The following CD300LF variants were observed in gnomAD, a reference collection of about 807,000 sequenced individuals.
The protein encoded by CD300LF is CD300 molecule like family member f.
Under a neutral mutation model 32.2 loss-of-function variants are expected in CD300LF, and 27 were observed. That is an observed-to-expected ratio of 0.84 (90% CI 0.62 to 1.15). The LOEUF (loss-of-function observed/expected upper bound fraction) is 1.15. Ranked by LOEUF, CD300LF falls within the 50% of genes most tolerant of loss-of-function variation. The probability of loss-of-function intolerance (pLI) is 0.00; values close to 1 mark genes in which losing one functional copy is unlikely to be tolerated. For missense variants in CD300LF, 348 were observed against 356.8 expected (o/e 0.98, Z 0.20); for synonymous variants, 139 against 143.2 (o/e 0.97, Z 0.21).
chr17:74,701,713 G>T (rs948045325), intron 3 of CD300LF, among the ~76,000 whole-genome samples: 1 of 152,096 alleles, frequency 6.6e-6, no homozygotes, highest in African/African-American at 2.4e-5. Flanking sequence ...GGCCGGGCAT[G>T]GTGGCTTACG....
intron 1 of CD300LF, among the ~76,000 whole-genome samples, chr17:74,712,424 T>C (rs7215850): frequency 1 from 152,269 of 152,274 alleles, 76,132 homozygotes; most frequent in Non-Finnish European, 1. Flanking sequence ...CCTTTCAAAG[T>C]CCTCCAGCCT....
At chr17:74,697,392 G>C (rs570235013) in intron 4 of CD300LF, among the ~76,000 whole-genome samples, 1 of 152,304 alleles carries the variant, frequency 6.6e-6, no homozygotes, top group African/African-American at 2.4e-5. Flanking sequence ...CAAAAGTCTA[G>C]ATGCTGGAGA....
At chr17:74,706,781 C>G (rs982228612) in intron 1 of CD300LF, among the ~76,000 whole-genome samples, 1 of 152,180 alleles carries the variant, frequency 6.6e-6, no homozygotes, top group African/African-American at 2.4e-5. Flanking sequence ...ACCACGGCAG[C>G]CTGGATTGGA....
chr17:74,703,065 G>A lies in CD300LF; in HGVS notation c.416C>T (p.Pro139Leu), dbSNP rs34851642. The A allele has an allele frequency of 1.0e-3, 1,694 of 1,614,000 alleles. 18 individuals are homozygous for A. In the African/African-American group the frequency reaches 0.019, roughly 18 times the overall value. The stretch of plus-strand genomic sequence containing the variant: ...GTCCAAGTGGTGGCCGGTCAGAGTT[G>A]GGGAGCTGCTAGTTTCTTCTTGGGT... Reference protein sequence around the residue: ...PVTQEETSSSPTLTGHHLDNR... With the variant: ...PVTQEETSSSLTLTGHHLDNR... Residue 139 changes from proline (P) to leucine (L), a missense_variant, in exon 3 of 7, where the codon CCA becomes CTA. Pro to Leu is a moderately conservative substitution (Grantham distance 98). Transcript: ENST00000326165.
At chr17:74,697,004 C>CTG (rs1358313206) in intron 4 of CD300LF, among the ~76,000 whole-genome samples, 2 of 152,226 alleles carry the variant, frequency 1.3e-5, no homozygotes, top group Non-Finnish European at 2.9e-5. Context: ...GGCAATGGCA[C>CTG]CATCTTGGCT....
chr17:74,706,428 CATATAT>C (rs1035920274), intron 1 of CD300LF, among the ~76,000 whole-genome samples: 1 of 147,662 alleles, frequency 6.8e-6, no homozygotes, highest in Non-Finnish European at 1.5e-5. Flanking sequence ...ATAAAAAGAA[CATATAT>C]ATATAAATTC....
chr17:74,704,279 G>A (rs944965388), intron 2 of CD300LF, 199 bp downstream of exon 2: 68 of 588,660 alleles, frequency 1.2e-4, no homozygotes, highest in African/African-American at 6.0e-4. Flanking sequence ...TAATCCCGTC[G>A]TGGAGGGAGC....
intron 3 of CD300LF, 161 bp from the exon 4 acceptor site, chr17:74,698,642 G>T: frequency 6.8e-7 from 1 of 1,467,574 alleles, no homozygotes; most frequent in Non-Finnish European, 9.0e-7. Flanking sequence ...TCAAAGATGG[G>T]TTTACAATGA....
chr17:74,696,796 G>A (rs1391697532), intron 4 of CD300LF, among the ~76,000 whole-genome samples: 1 of 152,198 alleles, frequency 6.6e-6, no homozygotes, highest in Admixed American at 6.5e-5. Context: ...TGCTGAGCAG[G>A]TGGTGCTCCA....
At chr17:74,708,712 C>A (rs112334255) in intron 1 of CD300LF, among the ~76,000 whole-genome samples, 1 of 152,060 alleles carries the variant, frequency 6.6e-6, no homozygotes. Context: ...GTGAGGAGAT[C>A]GAGACCATCC....
At chr17:74,711,331 C>T (rs1045734114) in intron 1 of CD300LF, among the ~76,000 whole-genome samples, 4 of 152,150 alleles carry the variant, frequency 2.6e-5, no homozygotes, top group Non-Finnish European at 2.9e-5. Flanking sequence ...CACATCTGCT[C>T]ACTACCAAAT....
intron 1 of CD300LF, chr17:74,705,199 C>T (rs917537476): frequency 1.9e-5 from 13 of 701,752 alleles, no homozygotes; most frequent in Admixed American, 1.8e-4. Context: ...TCCACAGGGT[C>T]TTACCTTGAC....
rs1269246169 is a variant in CD300LF, at chr17:74,694,393, G to T, written c.*703C>A. On this transcript the variant is annotated 3_prime_UTR_variant, in exon 7 of 7. Transcript: ENST00000326165. ...TCAAGATCAGTTTCAATGGGCTCAAGTCAAGGCGTGGGCAGGGCTGGTTTC... is the reference window on the plus strand; with the variant it reads ...TCAAGATCAGTTTCAATGGGCTCAATTCAAGGCGTGGGCAGGGCTGGTTTC... The T allele has an allele frequency of 6.6e-6, 1 of 152,204 alleles. No homozygotes were observed. The highest frequency in any genetic ancestry group is 2.4e-5 in the African/African-American group (1 of 41,448). The allele number at this position is 152,204 out of a possible 1,614,324, so 9.4% of individuals were successfully genotyped here.
Position 74,712,837 on chromosome 17 carries a change from G to A in CD300LF, c.30C>T (p.Leu10=), listed in dbSNP as rs1231719021. ...AGGCCCGCTCACCTGAGAGCCAGAAGAGGAGCAGGTAGAGTGTCAGCAGGG... is the reference window on the plus strand; with the variant it reads ...AGGCCCGCTCACCTGAGAGCCAGAAAAGGAGCAGGTAGAGTGTCAGCAGGG... The part of the protein sequence containing the change: MPLLTLYLL[L]FWLSGYSIVT... Residue 10 remains leucine (L), a synonymous_variant, in exon 1 of 7, where the codon CTC becomes CTT. Transcript: ENST00000326165. 3.1e-6 allele frequency: 5 copies of A among 1,614,074 alleles called. No individual in the cohort carries two copies. The highest frequency in any genetic ancestry group is 4.2e-6 in the Non-Finnish European group (5 of 1,179,970).
rs768749884 is a variant in CD300LF at position 74,696,145 on chromosome 17, G to A, written c.582+50C>T. 2.5e-6 allele frequency: 4 copies of A among 1,573,622 alleles called. No individual in the cohort carries two copies. The South Asian group carries it at 3.5e-5, about 14-fold the overall frequency. On this transcript the variant is annotated intron_variant, in intron 5 of 6. Transcript: ENST00000326165. ...TTCTGAGAGATGGAAAATGAGGAAG[G>A]GGAAAGAAGCTGCCTGGTCTCTCTG...
intron 4 of CD300LF, among the ~76,000 whole-genome samples, 156 bp downstream of exon 4, chr17:74,698,213 G>GC (rs1229983955): frequency 2.6e-5 from 4 of 152,252 alleles, no homozygotes; most frequent in Admixed American, 6.5e-5. Context: ...GCTCCAGGGC[G>GC]CCCCCCGGTC....
At chr17:74,696,254 A>T in intron 4 of CD300LF, 37 bp from the exon 5 acceptor site, 1 of 1,591,520 alleles carries the variant, frequency 6.3e-7, no homozygotes, top group Non-Finnish European at 8.6e-7. Flanking sequence ...TAGAAAGCCC[A>T]TTCCCCAGAC....
chr17:74,697,212 G>A (rs763093805), intron 4 of CD300LF, among the ~76,000 whole-genome samples: 1 of 152,162 alleles, frequency 6.6e-6, no homozygotes, highest in Non-Finnish European at 1.5e-5. Context: ...CCTAAGTGCG[G>A]AGATTATAGG....
In CD300LF at chr17:74,694,912, C is replaced by T. The variant is rs774999951; in HGVS notation, c.*184G>A. 9.0e-6 allele frequency: 5 copies of T among 557,110 alleles called. No individual in the cohort carries two copies. The highest frequency in any genetic ancestry group is 1.5e-5 in the Non-Finnish European group (5 of 324,204). 34.5% of individuals were successfully genotyped at this position (557,110 alleles called of 1,614,324 possible). On this transcript the variant is annotated 3_prime_UTR_variant, in exon 7 of 7. Transcript: ENST00000326165. The stretch of plus-strand genomic sequence containing the variant: ...GAGAGGAGGGGACGTTTAGAAAACC[C>T]CAACTCCTAGAAGCCCCCTGAGACT...
Sources: allele counts gnomAD v4.1 joint callset (sites outside exome capture counted in the v4.1 genomes callset), GRCh38; gene constraint gnomAD v4.1.1; transcripts MANE v1.5; gene names NCBI Gene and HGNC (gene_info 2026-07-23, HGNC 2026-07-21).